Variants in KIAA1217 observed in about 807,000 individuals in gnomAD.
The protein encoded by KIAA1217 is sickle tail protein homolog.
Under a neutral mutation model 163.9 loss-of-function variants are expected in KIAA1217, and 88 were observed. The observed-to-expected ratio is 0.54, with a 90% CI of 0.45 to 0.64. The LOEUF is 0.64. Ranked by LOEUF, KIAA1217 falls within the 30% of genes least tolerant of loss-of-function variation. The pLI is 0.00. For synonymous variants in KIAA1217, 903 were observed against 923.1 expected, an observed-to-expected ratio of 0.98 and a Z score of 0.39; for missense variants, 2,372 against 2,475.0, an observed-to-expected ratio of 0.96 and a Z score of 0.88.
At chr10:24,033,941 A>G (rs1280461862) in intron 2 of KIAA1217, among the ~76,000 whole-genome samples, 1 of 152,236 alleles carries the variant, frequency 6.6e-6, no homozygotes, top group Non-Finnish European at 1.5e-5. Context: ...CTCCTTACAG[A>G]AAAAGTTTGC....
chr10:24,282,199 C>G (rs1290401996), intron 2 of KIAA1217, among the ~76,000 whole-genome samples: 1 of 55,558 alleles, frequency 1.8e-5, no homozygotes, highest in Admixed American at 2.3e-4. Context: ...GACCTCACCT[C>G]TACAAAATTT....
At chr10:24,033,490 T>C (rs1427812732) in intron 2 of KIAA1217, among the ~76,000 whole-genome samples, 1 of 152,242 alleles carries the variant, frequency 6.6e-6, no homozygotes, top group Non-Finnish European at 1.5e-5. Context: ...CACTGTGTTT[T>C]ATAATTAAGT....
chr10:24,462,030 T>C (rs1362500517), intron 5 of KIAA1217, among the ~76,000 whole-genome samples: 1 of 152,142 alleles, frequency 6.6e-6, no homozygotes, highest in East Asian at 1.9e-4. Flanking sequence ...CTGTGACTGA[T>C]GATGACTTTG....
chr10:23,880,393 A>C lies in KIAA1217; in HGVS notation c.-320-126832A>C, dbSNP rs1025603817. Among the ~76,000 whole-genome samples, 12 of 152,110 alleles carry C rather than the reference A, an allele frequency of 7.9e-5. 1 individual carries two copies. Among genetic ancestry groups the C allele is most frequent in the Admixed American group, 7.2e-4 (11 of 15,268 alleles). ...GTTCTCACTTATCTGTGGGAGCTAA[A>C]AATTAAAACAATTGAACACATGGAG... is the stretch of plus-strand genomic sequence containing the variant. On this transcript the variant is annotated intron_variant, in intron 1 of 18. Transcript: ENST00000376462.
intron 2 of KIAA1217, among the ~76,000 whole-genome samples, chr10:24,058,279 C>G (rs2060599307): frequency 6.6e-6 from 1 of 152,146 alleles, no homozygotes; most frequent in South Asian, 2.1e-4. Flanking sequence ...CAGCACCATT[C>G]TGTTTTAATT....
chr10:23,864,102 A>ATTATTC (rs869294888), intron 1 of KIAA1217, among the ~76,000 whole-genome samples: 18 of 144,814 alleles, frequency 1.2e-4, no homozygotes, highest in African/African-American at 4.7e-4. Flanking sequence ...TATTATTATT[A>ATTATTC]TTCCTACTTT....
At chr10:24,090,720 C>T (rs956669377) in intron 2 of KIAA1217, among the ~76,000 whole-genome samples, 1 of 151,858 alleles carries the variant, frequency 6.6e-6, no homozygotes, top group South Asian at 2.1e-4. Flanking sequence ...CAAGCAACAA[C>T]TTCACAATCG....
At chr10:24,280,551 C>G (rs1040541269) in intron 2 of KIAA1217, among the ~76,000 whole-genome samples, 6 of 152,146 alleles carry the variant, frequency 3.9e-5, no homozygotes, top group African/African-American at 1.4e-4. Context: ...GTGACTCATG[C>G]CTGTAATCCC....
At chr10:24,395,987 T>G (rs984380864) in intron 3 of KIAA1217, among the ~76,000 whole-genome samples, 1 of 152,262 alleles carries the variant, frequency 6.6e-6, no homozygotes, top group African/African-American at 2.4e-5. Flanking sequence ...AGGAGCCTTC[T>G]TAAGAGTAAA....
At chr10:24,281,262 A>AT (rs949375760) in intron 2 of KIAA1217, among the ~76,000 whole-genome samples, 2 of 152,126 alleles carry the variant, frequency 1.3e-5, no homozygotes, top group African/African-American at 4.8e-5. Context: ...GTTCATATTC[A>AT]TTTTTTTGCC....
chr10:23,726,006 C>A (rs1350991493), intron 1 of KIAA1217, among the ~76,000 whole-genome samples: 4 of 144,964 alleles, frequency 2.8e-5, no homozygotes, highest in African/African-American at 1.0e-4. Flanking sequence ...GTTCTTTCCC[C>A]CTTTCCTCAC....
At chr10:24,183,791 G>A (rs1451296231) in intron 2 of KIAA1217, among the ~76,000 whole-genome samples, 1 of 152,138 alleles carries the variant, frequency 6.6e-6, no homozygotes, top group East Asian at 1.9e-4. Context: ...CTACCTCGGG[G>A]AATGGTTCTG....
chr10:24,277,132 G>C (rs755872641), intron 2 of KIAA1217, among the ~76,000 whole-genome samples: 4 of 152,176 alleles, frequency 2.6e-5, no homozygotes, highest in Non-Finnish European at 4.4e-5. Context: ...TAGTTTTATA[G>C]CTTGGAAATT....
chr10:23,955,171 G>C lies in KIAA1217; in HGVS notation c.-320-52054G>C, dbSNP rs1025935758. ...TTATAGAACACAAAAGTTCACAGAG[G>C]GGGTAAGCGGCAGAGCATGAATTCA... On this transcript the variant is annotated intron_variant, in intron 1 of 18. Transcript: ENST00000376462. Among the ~76,000 whole-genome samples, 12 of 152,146 alleles carry C rather than the reference G, an allele frequency of 7.9e-5. No individual in the cohort carries two copies. In the East Asian group the frequency reaches 1.7e-3, roughly 22 times the overall value.
intron 2 of KIAA1217, among the ~76,000 whole-genome samples, chr10:24,186,189 T>A (rs778273007): frequency 5.4e-5 from 8 of 148,122 alleles, no homozygotes; most frequent in Non-Finnish European, 1.0e-4. Flanking sequence ...CCTTTTGCCC[T>A]GACTTTTTCA....
At chr10:23,935,042 A>G (rs1843465188) in intron 1 of KIAA1217, among the ~76,000 whole-genome samples, 1 of 152,190 alleles carries the variant, frequency 6.6e-6, no homozygotes, top group Non-Finnish European at 1.5e-5. Context: ...CCAAAAACCT[A>G]CAAGCTGTTC....
At chr10:24,264,582 T>G (rs1227878575) in intron 2 of KIAA1217, among the ~76,000 whole-genome samples, 3 of 152,176 alleles carry the variant, frequency 2.0e-5, no homozygotes, top group Admixed American at 2.0e-4. Context: ...GATAACGTGT[T>G]TCCTTCTATT....
chr10:24,339,731 C>T (rs1433162830), intron 2 of KIAA1217, among the ~76,000 whole-genome samples: 2 of 152,172 alleles, frequency 1.3e-5, no homozygotes, highest in Admixed American at 6.5e-5. Context: ...AAGTTCTGGG[C>T]CAATGTTGCA....
chr10:23,843,976 C>T (rs1415941043), intron 1 of KIAA1217, among the ~76,000 whole-genome samples: 2 of 152,156 alleles, frequency 1.3e-5, no homozygotes, highest in Admixed American at 1.3e-4. Context: ...GTCTAGAGAT[C>T]CTCTGCTTTA....
Sources: allele counts gnomAD v4.1 joint callset (sites outside exome capture counted in the v4.1 genomes callset), GRCh38; gene constraint gnomAD v4.1.1; transcripts MANE v1.5; gene names NCBI Gene and HGNC (gene_info 2026-07-23, HGNC 2026-07-21).